Variants in RORA observed in about 807,000 individuals in gnomAD.
RORA encodes the protein RAR related orphan receptor A.
RORA carries 7 observed loss-of-function variants against 69.5 expected under a neutral mutation model. The ratio of observed to expected loss-of-function variants is 0.10; its 90% CI spans 0.06 to 0.19. The LOEUF is 0.19. Among genes scored for constraint, RORA ranks in the 10% least tolerant of loss-of-function variants. RORA has a pLI of 1.00. For synonymous variants in RORA, 261 were observed against 240.8 expected, an observed-to-expected ratio of 1.08 and a Z score of -0.78; for missense variants, 457 against 663.0, an observed-to-expected ratio of 0.69 and a Z score of 3.41.
intron 1 of RORA, among the ~76,000 whole-genome samples, chr15:61,065,229 CTATAACTGTTTGTAA>C (rs2078240413): frequency 6.6e-6 from 1 of 152,188 alleles, no homozygotes; most frequent in South Asian, 2.1e-4. Context: ...ATCAAATGTA[CTATAACTGTTTGTAA>C]CTGTTTTATT....
At chr15:60,861,192 G>A (rs1292702732) in intron 1 of RORA, among the ~76,000 whole-genome samples, 1 of 152,110 alleles carries the variant, frequency 6.6e-6, no homozygotes, top group Admixed American at 6.6e-5. Context: ...ACACATGTAG[G>A]TCCCAACTGA....
At chr15:60,721,419 G>T (rs545554992) in intron 1 of RORA, among the ~76,000 whole-genome samples, 1 of 152,378 alleles carries the variant, frequency 6.6e-6, no homozygotes, top group African/African-American at 2.4e-5. Context: ...TCCCTGAGGA[G>T]ACCAAGGCTG....
chr15:60,841,740 C>A (rs769985099), intron 1 of RORA, among the ~76,000 whole-genome samples: 2 of 152,218 alleles, frequency 1.3e-5, no homozygotes, highest in Non-Finnish European at 2.9e-5. Flanking sequence ...CTCTCCTCCC[C>A]GTCATGATGT....
At chr15:60,958,315 C>T (rs1366212247) in intron 1 of RORA, among the ~76,000 whole-genome samples, 1 of 152,096 alleles carries the variant, frequency 6.6e-6, no homozygotes, top group African/African-American at 2.4e-5. Context: ...AAGAAGCTGC[C>T]CTGGAGAGTC....
chr15:60,805,477 C>A (rs994981711), intron 1 of RORA, among the ~76,000 whole-genome samples: 44 of 152,216 alleles, frequency 2.9e-4, no homozygotes, highest in Non-Finnish European at 6.0e-4. Flanking sequence ...TTGAGCCCAG[C>A]ACTTACCGGA....
At chr15:60,956,935 G>A (rs534191191) in intron 1 of RORA, among the ~76,000 whole-genome samples, 5 of 152,300 alleles carry the variant, frequency 3.3e-5, no homozygotes, top group Admixed American at 6.5e-5. Flanking sequence ...GCAAGTTTTC[G>A]AATCTTTCTG....
At chr15:61,217,685 G>A (rs2080053179) in intron 1 of RORA, among the ~76,000 whole-genome samples, 1 of 152,204 alleles carries the variant, frequency 6.6e-6, no homozygotes, top group South Asian at 2.1e-4. Flanking sequence ...CTAGCACATA[G>A]AAAGTACTCA....
intron 1 of RORA, among the ~76,000 whole-genome samples, chr15:60,742,243 G>A (rs1418594260): frequency 6.6e-6 from 1 of 152,154 alleles, no homozygotes; most frequent in Non-Finnish European, 1.5e-5. Flanking sequence ...TAACTTCAAT[G>A]TTTGAGTGAT....
At chr15:61,152,662 G>C (rs1319831128) in intron 1 of RORA, among the ~76,000 whole-genome samples, 1 of 151,994 alleles carries the variant, frequency 6.6e-6, no homozygotes, top group East Asian at 1.9e-4. Context: ...TGCCCTTATA[G>C]AGCTCACATT....
At chr15:61,140,420 A>C (rs569312907) in intron 1 of RORA, among the ~76,000 whole-genome samples, 4 of 152,310 alleles carry the variant, frequency 2.6e-5, no homozygotes, top group African/African-American at 7.2e-5. Flanking sequence ...GACTCAGTTT[A>C]AATGCCATCT....
chr15:61,140,225 T>C (rs978514097), intron 1 of RORA, among the ~76,000 whole-genome samples: 3 of 152,186 alleles, frequency 2.0e-5, no homozygotes, highest in Non-Finnish European at 4.4e-5. Flanking sequence ...GCCTTATGTA[T>C]ACGCAGAAGG....
intron 1 of RORA, among the ~76,000 whole-genome samples, chr15:60,974,110 A>C (rs1893807094): frequency 6.6e-6 from 1 of 152,208 alleles, no homozygotes. Context: ...AATTTAAAGA[A>C]AGTCTGCAGA....
intron 1 of RORA, among the ~76,000 whole-genome samples, chr15:61,076,936 T>TAAAA: frequency 7.2e-6 from 1 of 139,606 alleles, no homozygotes; most frequent in Non-Finnish European, 1.6e-5. Flanking sequence ...TTGTTCAAAG[T>TAAAA]AAAAAAAAAA....
chr15:61,196,542 C>G (rs2079846864), intron 1 of RORA, among the ~76,000 whole-genome samples: 1 of 152,230 alleles, frequency 6.6e-6, no homozygotes, highest in Admixed American at 6.5e-5. Context: ...TTGCGTGATT[C>G]TCAGAGAGTA....
At chr15:60,963,555 C>G (rs4775334) in intron 1 of RORA, among the ~76,000 whole-genome samples, 150,145 of 152,346 alleles carry the variant, frequency 0.99, 74,026 homozygotes, top group Middle Eastern at 1. Context: ...GCCTCCTGGA[C>G]GGGGTAAGCC....
At chr15:61,122,047 G>A (rs2140819296) in intron 1 of RORA, among the ~76,000 whole-genome samples, 1 of 152,270 alleles carries the variant, frequency 6.6e-6, no homozygotes, top group South Asian at 2.1e-4. Context: ...AGAACTGTAT[G>A]TAAGAGGAAA....
At chr15:60,822,589 A>G (rs1288809461) in intron 1 of RORA, among the ~76,000 whole-genome samples, 1 of 152,180 alleles carries the variant, frequency 6.6e-6, no homozygotes, top group Non-Finnish European at 1.5e-5. Context: ...GAAGAAGGCA[A>G]TGCTCCCCAC....
intron 3 of RORA, among the ~76,000 whole-genome samples, chr15:60,516,199 A>T (rs370703968): frequency 5.2e-4 from 13 of 24,820 alleles, no homozygotes; most frequent in South Asian, 4.3e-3. Context: ...ATATATATTT[A>T]TATATATATT....
rs114726741 is a variant in RORA, at chr15:60,624,961, G to A, written c.196+53696C>T. 4.1e-3 allele frequency among the ~76,000 whole-genome samples: 618 copies of A among 152,254 alleles called. 3 individuals carry two copies. Among genetic ancestry groups the A allele is most frequent in the African/African-American group, 0.014 (592 of 41,542 alleles). On this transcript the variant is annotated intron_variant, in intron 2 of 10. Transcript: ENST00000335670. ...CCCTGGCATATTGAGAGCAGCAATC[G>A]TTTCTGGAAAGCTTTAAAGACCCTC... is the stretch of plus-strand genomic sequence containing the variant.
Sources: gnomAD v4.1 joint callset for allele counts (sites outside exome capture counted in the v4.1 genomes callset) on GRCh38, gnomAD v4.1.1 for gene constraint, MANE v1.5 for transcripts, NCBI Gene and HGNC (gene_info 2026-07-23, HGNC 2026-07-21) for gene names.